The following SCUBE1 variants were observed in gnomAD, a reference collection of about 807,000 sequenced individuals.
SCUBE1 encodes signal peptide, CUB and EGF-like domain-containing protein 1.
SCUBE1 carries 59 observed loss-of-function variants against 124.4 expected under a neutral mutation model. The observed-to-expected ratio is 0.47, with a 90% CI of 0.38 to 0.59. The LOEUF is 0.59. Ranked by LOEUF, SCUBE1 falls within the 20% of genes least tolerant of loss-of-function variation. The pLI is 0.00. For missense variants in SCUBE1, 1,150 were observed against 1,371.2 expected (o/e 0.84, Z 2.55); for synonymous variants, 545 against 550.9 (o/e 0.99, Z 0.15).
chr22:43,204,699 C>G (rs950770404), intron 21 of SCUBE1, among the ~76,000 whole-genome samples: 3 of 151,888 alleles, frequency 2.0e-5, no homozygotes, highest in Admixed American at 2.0e-4. Context: ...AATCCCAGCA[C>G]TTTGGGAGGC....
chr22:43,342,343 C>G (rs1927347053), intron 1 of SCUBE1, among the ~76,000 whole-genome samples: 1 of 152,036 alleles, frequency 6.6e-6, no homozygotes. Context: ...TCTGCTCCAC[C>G]GACGTCCCGC....
intron 8 of SCUBE1, among the ~76,000 whole-genome samples, chr22:43,230,491 G>T (rs1032709976): frequency 2.0e-5 from 3 of 152,196 alleles, no homozygotes; most frequent in African/African-American, 7.2e-5. Context: ...CCTCACAAGC[G>T]ATCTCACCTC....
chr22:43,248,224 C>T (rs1923295624), intron 6 of SCUBE1, among the ~76,000 whole-genome samples: 1 of 152,164 alleles, frequency 6.6e-6, no homozygotes, highest in Non-Finnish European at 1.5e-5. Flanking sequence ...GTGTGCCCCA[C>T]CTCCATTGGG....
chr22:43,220,663 A>G, intron 13 of SCUBE1, 76 bp from the exon 14 acceptor site: 1 of 1,547,626 alleles, frequency 6.5e-7, no homozygotes, highest in Non-Finnish European at 8.8e-7. Context: ...CTGCATACAG[A>G]GTGCCATTGG....
intron 3 of SCUBE1, among the ~76,000 whole-genome samples, chr22:43,311,508 C>T (rs924994247): frequency 6.6e-6 from 1 of 150,834 alleles, no homozygotes; most frequent in African/African-American, 2.4e-5. Context: ...GCAACCTCTG[C>T]CCCCCGGGTT....
At chr22:43,323,796 C>T (rs1448755638) in intron 2 of SCUBE1, among the ~76,000 whole-genome samples, 3 of 152,158 alleles carry the variant, frequency 2.0e-5, no homozygotes, top group African/African-American at 7.2e-5. Context: ...TTCAAATATC[C>T]CTCCAAACAG....
At position 43,201,524 on chromosome 22, in the gene SCUBE1, T is replaced by C. The variant is rs969227127; in HGVS notation, c.*2473A>G. 1 of 151,858 alleles carries C rather than the reference T, an allele frequency of 6.6e-6. No homozygotes were observed. Among genetic ancestry groups the C allele is most frequent in the Admixed American group, 6.6e-5 (1 of 15,258 alleles). 9.4% of individuals were successfully genotyped at this position (151,858 alleles called of 1,614,324 possible). ...GAAGACATCCACTCCATCCAATCTG[T>C]TGAGGGCCCCAATAGAAAAGAAGGA... is the stretch of plus-strand genomic sequence containing the variant. On this transcript the variant is annotated 3_prime_UTR_variant, in exon 22 of 22. Coordinates refer to ENST00000360835, the MANE Select transcript of SCUBE1 (RefSeq NM_173050.5).
intron 4 of SCUBE1, among the ~76,000 whole-genome samples, chr22:43,266,802 C>T (rs1210381997): frequency 6.6e-6 from 1 of 152,128 alleles, no homozygotes; most frequent in Admixed American, 6.5e-5. Flanking sequence ...ACGTAAGAGC[C>T]CAGCGAAATC....
At chr22:43,281,447 C>T in intron 4 of SCUBE1, among the ~76,000 whole-genome samples, 43 of 66,692 alleles carry the variant, frequency 6.4e-4, no homozygotes, top group Non-Finnish European at 1.3e-4. Context: ...GGCCACCCTC[C>T]TGTCATCTCC....
intron 3 of SCUBE1, among the ~76,000 whole-genome samples, chr22:43,296,542 A>C (rs555939980): frequency 1.3e-5 from 2 of 152,364 alleles, no homozygotes; most frequent in African/African-American, 4.8e-5. Context: ...GCTCTGGGGC[A>C]GACTCTAGGA....
intron 21 of SCUBE1, among the ~76,000 whole-genome samples, chr22:43,206,104 A>C (rs1409233308): frequency 9.6e-6 from 1 of 103,628 alleles, no homozygotes; most frequent in Admixed American, 1.0e-4. Flanking sequence ...TACACACCAC[A>C]CATCCACCAC....
At chr22:43,215,449 A>G (rs1368142139) in intron 15 of SCUBE1, among the ~76,000 whole-genome samples, 1 of 152,248 alleles carries the variant, frequency 6.6e-6, no homozygotes, top group Non-Finnish European at 1.5e-5. Flanking sequence ...GGTGGCTGAC[A>G]TGGCGGGAGC....
chr22:43,320,744 T>C (rs1410222169), intron 2 of SCUBE1, among the ~76,000 whole-genome samples: 1 of 152,138 alleles, frequency 6.6e-6, no homozygotes, highest in Admixed American at 6.5e-5. Flanking sequence ...CAGGCACCAT[T>C]CTCACTTCCA....
chr22:43,210,273 G>A lies in SCUBE1; in HGVS notation c.2384-33C>T, dbSNP rs756258431. On this transcript the variant is annotated intron_variant, in intron 18 of 21. Coordinates refer to ENST00000360835, the MANE Select transcript of SCUBE1 (RefSeq NM_173050.5). This position sits in a 1 kb window ranked among gnomAD's most constrained non-coding sequence, Gnocchi z 4.5. ...CACAGTGGCCCGAGGGCCTCATCAGGCTCTGCTGGGCAGGGGCCCTGGCCG... is the reference window on the plus strand; with the variant it reads ...CACAGTGGCCCGAGGGCCTCATCAGACTCTGCTGGGCAGGGGCCCTGGCCG... 1 of 1,479,372 alleles carries A rather than the reference G, an allele frequency of 6.8e-7. No homozygotes were observed. Among genetic ancestry groups the A allele is most frequent in the Admixed American group, 2.2e-5 (1 of 45,126 alleles). The allele number at this position is 1,479,372 out of a possible 1,614,324, so 91.6% of individuals were successfully genotyped here.
chr22:43,314,738 G>A (rs558893860), intron 3 of SCUBE1, among the ~76,000 whole-genome samples: 4 of 152,156 alleles, frequency 2.6e-5, no homozygotes, highest in Non-Finnish European at 4.4e-5. Flanking sequence ...GGGTGGAGCC[G>A]AGGGTGGGAA....
intron 4 of SCUBE1, among the ~76,000 whole-genome samples, chr22:43,275,304 G>A (rs1232384892): frequency 6.6e-6 from 1 of 152,250 alleles, no homozygotes; most frequent in Non-Finnish European, 1.5e-5. Context: ...ACCACGACGC[G>A]CTGGGCGTCC....
rs762994978 is a variant in SCUBE1, at chr22:43,220,594, G to A, written c.1550-7C>T. On this transcript the variant is annotated splice_region_variant and splice_polypyrimidine_tract_variant and intron_variant, in intron 13 of 21. Transcript: ENST00000360835. ...AAAGTCACATGGCAGTGGTCTGGAC[G>A]AGGAAAGGACCACTGTGGCAAAGGC... 6.8e-6 allele frequency: 11 copies of A among 1,613,006 alleles called. No homozygotes were observed. The highest frequency in any genetic ancestry group is 1.1e-5 in the South Asian group (1 of 91,042).
intron 4 of SCUBE1, among the ~76,000 whole-genome samples, chr22:43,267,614 T>G (rs1206499142): frequency 6.6e-6 from 1 of 152,148 alleles, no homozygotes; most frequent in Non-Finnish European, 1.5e-5. Context: ...TAGCAGGGTC[T>G]AAGGGTGGCC....
At position 43,211,898 on chromosome 22, in the gene SCUBE1, G is replaced by A. The variant is rs1921576105; in HGVS notation, c.2221+527C>T. On this transcript the variant is annotated intron_variant, in intron 17 of 21. Transcript: ENST00000360835. This position sits in a 1 kb window ranked among gnomAD's most constrained non-coding sequence, Gnocchi z 4.5. ...ATCTGGTGATGTGGCTGGCTCCAGG[G>A]GGCTGAGAGCCAGGCCACCTGGACA... Among the ~76,000 whole-genome samples, 1 of 152,082 alleles carries A rather than the reference G, an allele frequency of 6.6e-6. No individual in the cohort carries two copies. The highest frequency in any genetic ancestry group is 1.5e-5 in the Non-Finnish European group (1 of 68,004).
Sources: gnomAD v4.1 joint callset for allele counts (sites outside exome capture counted in the v4.1 genomes callset) on GRCh38, gnomAD v4.1.1 for gene constraint, Gnocchi (gnomAD v3.1) non-coding constraint, MANE v1.5 for transcripts, NCBI Gene and HGNC (gene_info 2026-07-23, HGNC 2026-07-21) for gene names.